The following ESRRG variants were observed in gnomAD, a reference collection of about 807,000 sequenced individuals.
ESRRG encodes estrogen-related receptor gamma.
ESRRG carries 13 observed loss-of-function variants against 44.0 expected under a neutral mutation model. That is an observed-to-expected ratio of 0.30 (90% CI 0.19 to 0.47). ESRRG has a LOEUF of 0.47. ESRRG is among the 20% of genes least tolerant of loss of function. The pLI, the probability that ESRRG is intolerant of heterozygous loss-of-function variation, is 1.00. For missense variants in ESRRG, 395 were observed against 580.6 expected, an observed-to-expected ratio of 0.68 and a Z score of 3.29; for synonymous variants, 215 against 214.6, an observed-to-expected ratio of 1.00 and a Z score of -0.02.
chr1:216,690,602 A>C (rs1443126750), intron 1 of ESRRG, among the ~76,000 whole-genome samples: 2 of 152,134 alleles, frequency 1.3e-5, no homozygotes, highest in Non-Finnish European at 2.9e-5. Context: ...TGTAAACTGT[A>C]TCTAAAAGGT....
intron 1 of ESRRG, among the ~76,000 whole-genome samples, chr1:217,084,533 A>G (rs1452868346): frequency 1.3e-5 from 2 of 152,308 alleles, no homozygotes; most frequent in Admixed American, 6.5e-5. Flanking sequence ...ATCCTATTCC[A>G]TTAGTATCTA....
intron 1 of ESRRG, among the ~76,000 whole-genome samples, chr1:216,949,045 A>T (rs909158832): frequency 1.6e-4 from 24 of 152,132 alleles, no homozygotes; most frequent in Non-Finnish European, 2.8e-4. Flanking sequence ...TCAGTGAATC[A>T]ACTAGGAAAG....
At chr1:216,703,917 G>A (rs1300808048) in intron 1 of ESRRG, among the ~76,000 whole-genome samples, 3 of 152,048 alleles carry the variant, frequency 2.0e-5, no homozygotes, top group Non-Finnish European at 4.4e-5. Context: ...CATTTTATTT[G>A]GTGCTGGAAA....
At chr1:216,752,263 T>G (rs996301248) in intron 2 of ESRRG, among the ~76,000 whole-genome samples, 8 of 152,148 alleles carry the variant, frequency 5.3e-5, no homozygotes, top group African/African-American at 1.9e-4. Context: ...CGCTTTTCTC[T>G]GCTTTCTAGC....
At chr1:217,083,741 A>T (rs1333263683) in intron 1 of ESRRG, among the ~76,000 whole-genome samples, 1 of 152,202 alleles carries the variant, frequency 6.6e-6, no homozygotes, top group Admixed American at 6.5e-5. Context: ...GTTCATACTA[A>T]ATAGAAAATG....
chr1:216,886,890 TTTTG>T (rs952908606), intron 2 of ESRRG, among the ~76,000 whole-genome samples: 127 of 151,948 alleles, frequency 8.4e-4, no homozygotes, highest in Middle Eastern at 3.4e-3. Flanking sequence ...TGCCTGGCTA[TTTTG>T]TTTGTTTGTT....
At chr1:216,975,663 ACT>A (rs2072725606) in intron 1 of ESRRG, among the ~76,000 whole-genome samples, 1 of 152,216 alleles carries the variant, frequency 6.6e-6, no homozygotes, top group African/African-American at 2.4e-5. Context: ...CTGCATCTCT[ACT>A]TTTAAGTCTT....
At chr1:216,766,240 A>G (rs116477662) in intron 2 of ESRRG, among the ~76,000 whole-genome samples, 13 of 152,160 alleles carry the variant, frequency 8.5e-5, no homozygotes, top group African/African-American at 3.1e-4. Flanking sequence ...GCCCACCACA[A>G]AGATGAAGAT....
At chr1:216,985,977 T>A (rs373739633) in intron 1 of ESRRG, among the ~76,000 whole-genome samples, 3 of 152,208 alleles carry the variant, frequency 2.0e-5, no homozygotes, top group African/African-American at 7.2e-5. Context: ...TGGGCAAAGA[T>A]AGCTTGACCA....
intron 1 of ESRRG, among the ~76,000 whole-genome samples, chr1:216,686,427 G>T (rs2077965200): frequency 8.2e-6 from 1 of 121,912 alleles, no homozygotes; most frequent in African/African-American, 3.2e-5. Flanking sequence ...TAGCATGACA[G>T]GTATTGTTAA....
intron 5 of ESRRG, 88 bp downstream of exon 5, chr1:216,564,131 G>T: frequency 1.3e-6 from 1 of 768,432 alleles, no homozygotes; most frequent in Non-Finnish European, 2.0e-6. Flanking sequence ...GTCTAAATGA[G>T]AAAAATTTGA....
At position 217,123,506 on chromosome 1, in the gene ESRRG, A is replaced by G. The variant is rs545480110; in HGVS notation, c.-230+14161T>C. Among the ~76,000 whole-genome samples, 90 of 152,256 alleles carry G rather than the reference A, an allele frequency of 5.9e-4. 1 individual carries two copies. The highest frequency in any genetic ancestry group is 1.9e-3 in the African/African-American group (78 of 41,570). ...TAACAAAGACATGGAACCAACCCAA[A>G]TGCTGATCAATGATAGACTGGTTAA... On this transcript the variant is annotated intron_variant, in intron 1 of 8. Coordinates refer to the ESRRG transcript ENST00000366940.
intron 2 of ESRRG, among the ~76,000 whole-genome samples, chr1:216,918,846 A>G (rs987291414): frequency 6.7e-6 from 1 of 148,300 alleles, no homozygotes; most frequent in Non-Finnish European, 1.5e-5. Flanking sequence ...AGATATATAT[A>G]TAATAATATA....
At chr1:216,621,949 C>A (rs1041461765) in intron 3 of ESRRG, among the ~76,000 whole-genome samples, 2 of 152,150 alleles carry the variant, frequency 1.3e-5, no homozygotes, top group African/African-American at 4.8e-5. Flanking sequence ...TACTAGACTG[C>A]GCCTATCCTC....
chr1:216,549,089 C>T (rs766911390), intron 5 of ESRRG, among the ~76,000 whole-genome samples: 20 of 151,998 alleles, frequency 1.3e-4, no homozygotes, highest in Non-Finnish European at 2.4e-4. Context: ...CAAGTGCCAC[C>T]GAAATAAGTA....
intron 5 of ESRRG, among the ~76,000 whole-genome samples, chr1:216,557,837 A>G (rs1319019710): frequency 6.6e-6 from 1 of 152,150 alleles, no homozygotes; most frequent in East Asian, 1.9e-4. Context: ...CATAGTACAA[A>G]GTGTAGTGTT....
chr1:216,771,616 G>T (rs1274909996), intron 2 of ESRRG, among the ~76,000 whole-genome samples: 1 of 152,024 alleles, frequency 6.6e-6, no homozygotes, highest in Non-Finnish European at 1.5e-5. Context: ...ATTTGATGAT[G>T]CTCATATACT....
At chr1:216,888,923 C>A (rs753765563) in intron 2 of ESRRG, among the ~76,000 whole-genome samples, 15 of 152,014 alleles carry the variant, frequency 9.9e-5, no homozygotes, top group African/African-American at 3.1e-4. Context: ...TGAGGTAATG[C>A]GGCAAAGAAT....
chr1:216,655,889 C>T (rs1008676039), intron 2 of ESRRG, among the ~76,000 whole-genome samples: 1 of 152,224 alleles, frequency 6.6e-6, no homozygotes, highest in African/African-American at 2.4e-5. Flanking sequence ...AGAGATTGTG[C>T]CCTTGAAAAA....
Sources: gnomAD v4.1 joint callset for allele counts (sites outside exome capture counted in the v4.1 genomes callset) on GRCh38, gnomAD v4.1.1 for gene constraint, MANE v1.5 for transcripts, NCBI Gene and HGNC (gene_info 2026-07-23, HGNC 2026-07-21) for gene names.